The following SLC3A2 variants were observed in gnomAD, a reference collection of about 807,000 sequenced individuals.
SLC3A2 encodes the protein solute carrier family 3 member 2, also known as amino acid transporter heavy chain SLC3A2.
In SLC3A2, 32 loss-of-function variants were observed where a neutral mutation model predicts 48.5. The ratio of observed to expected loss-of-function variants is 0.66; its 90% CI spans 0.50 to 0.89. The LOEUF (loss-of-function observed/expected upper bound fraction) is 0.89, where lower values mean the gene tolerates loss of function less well. Among genes scored for constraint, SLC3A2 ranks in the 40% least tolerant of loss-of-function variants. The probability of loss-of-function intolerance (pLI) is 0.00; values close to 1 mark genes in which losing one functional copy is unlikely to be tolerated. For missense variants in SLC3A2, 587 were observed against 680.7 expected (o/e 0.86, Z 1.53); for synonymous variants, 277 against 288.8 (o/e 0.96, Z 0.41).
At chr11:62,869,859 T>C (rs1449419558) in intron 1 of SLC3A2, among the ~76,000 whole-genome samples, 2 of 151,690 alleles carry the variant, frequency 1.3e-5, no homozygotes, top group African/African-American at 4.8e-5. Flanking sequence ...CTCGGCTCAT[T>C]GCAACCTCTG....
intron 1 of SLC3A2, among the ~76,000 whole-genome samples, chr11:62,864,793 G>C (rs2085436236): frequency 6.6e-6 from 1 of 150,380 alleles, no homozygotes; most frequent in Admixed American, 6.7e-5. Flanking sequence ...TTTTGAGACA[G>C]AGTCCCACTC....
chr11:62,875,810 G>A (rs1198404603), intron 1 of SLC3A2, among the ~76,000 whole-genome samples: 5 of 151,964 alleles, frequency 3.3e-5, no homozygotes, highest in East Asian at 1.9e-4. Flanking sequence ...CAGGTGATCC[G>A]CCCGCCTCAG....
intron 1 of SLC3A2, among the ~76,000 whole-genome samples, chr11:62,863,713 T>C (rs2085424568): frequency 6.6e-6 from 1 of 152,236 alleles, no homozygotes; most frequent in Non-Finnish European, 1.5e-5. Flanking sequence ...TCTGACTTTA[T>C]GACTTGATAG....
At position 62,888,768 on chromosome 11, in the gene SLC3A2, TA is replaced by T. The variant is rs1240069446; in HGVS notation, c.*80del. On this transcript the variant is annotated 3_prime_UTR_variant, in exon 9 of 9. Transcript: ENST00000338663. ...TTTGGCTTCTGATTTTTCTCTTTTT[TA>T]AAAACAAACAAACAAACTGTTGCAG... 68 of 1,380,090 alleles carry T rather than the reference TA, an allele frequency of 4.9e-5. 2 individuals carry two copies. The East Asian group carries it at 1.6e-3, about 32-fold the overall frequency. The allele number at this position is 1,380,090 out of a possible 1,614,324, so 85.5% of individuals were successfully genotyped here.
chr11:62,861,245 A>G (rs1014656841), intron 1 of SLC3A2, among the ~76,000 whole-genome samples: 2 of 150,618 alleles, frequency 1.3e-5, no homozygotes, highest in Non-Finnish European at 3.0e-5. Flanking sequence ...TGAGGTGGGG[A>G]GGATTGCTTG....
chr11:62,888,268 T>C, intron 8 of SLC3A2, 50 bp downstream of exon 8: 1 of 1,610,434 alleles, frequency 6.2e-7, no homozygotes, highest in Admixed American at 1.7e-5. Context: ...TGGGCTGGGC[T>C]TGTAGAAGTC....
intron 1 of SLC3A2, among the ~76,000 whole-genome samples, chr11:62,871,184 A>G (rs2085512292): frequency 6.7e-6 from 1 of 148,848 alleles, no homozygotes; most frequent in African/African-American, 2.5e-5. Flanking sequence ...GCCCGGCCTG[A>G]TTACAGGTAA....
At chr11:62,865,103 A>G (rs2085439272) in intron 1 of SLC3A2, among the ~76,000 whole-genome samples, 1 of 152,134 alleles carries the variant, frequency 6.6e-6, no homozygotes, top group Non-Finnish European at 1.5e-5. Context: ...CAAAATCCTC[A>G]AAGTGTTTAG....
rs573491653 is a variant in SLC3A2, at chr11:62,873,969, ATTTTTTTTTTTTTTTTTT to A, written c.113-7030_113-7013del. Among the ~76,000 whole-genome samples, 200 of 38,910 alleles carry A rather than the reference ATTTTTTTTTTTTTTTTTT, an allele frequency of 5.1e-3. 2 individuals are homozygous for A. Among genetic ancestry groups the A allele is most frequent in the Middle Eastern group, 0.018 (1 of 56 alleles). The allele number at this position is 38,910 out of a possible 152,430, so 25.5% of individuals were successfully genotyped here. ...CAGGTACTTGCACCATGCCCAGCTA[ATTTTTTTTTTTTTTTTTT>A]TTTTTTTTTTTTTTTTTTTGGAGAA... is the stretch of plus-strand genomic sequence containing the variant. On this transcript the variant is annotated intron_variant, in intron 1 of 9. Transcript: ENST00000377889.
intron 7 of SLC3A2, among the ~76,000 whole-genome samples, chr11:62,887,460 T>C (rs1253121829): frequency 6.6e-6 from 1 of 152,094 alleles, no homozygotes; most frequent in East Asian, 1.9e-4. Flanking sequence ...CCCAGCACTT[T>C]GGGAGGCCAA....
chr11:62,880,756 G>C, upstream of SLC3A2: 1 of 508,958 alleles, frequency 2.0e-6, no homozygotes, highest in Non-Finnish European at 3.4e-6. Flanking sequence ...GACCATGCAG[G>C]AAGTACTGTC....
chr11:62,863,981 G>A (rs2085426716), intron 1 of SLC3A2, among the ~76,000 whole-genome samples: 1 of 152,142 alleles, frequency 6.6e-6, no homozygotes, highest in South Asian at 2.1e-4. Flanking sequence ...AGTGTGCATT[G>A]CATCCTAGAC....
intron 1 of SLC3A2, among the ~76,000 whole-genome samples, chr11:62,873,523 C>T (rs2085539440): frequency 6.6e-6 from 1 of 151,970 alleles, no homozygotes; most frequent in African/African-American, 2.4e-5. Context: ...GACAAGGTCT[C>T]ACTATATTGC....
chr11:62,880,176 G>C (rs1034904062), upstream of SLC3A2, among the ~76,000 whole-genome samples: 1 of 152,164 alleles, frequency 6.6e-6, no homozygotes, highest in Non-Finnish European at 1.5e-5. Flanking sequence ...AAGAAGGGGG[G>C]TGTCTACCTC....
intron 2 of SLC3A2, 35 bp from the exon 3 acceptor site, chr11:62,882,873 C>T (rs2135012596): frequency 6.7e-7 from 1 of 1,500,028 alleles, no homozygotes. Flanking sequence ...AACTCATAGA[C>T]TGTCTCATGA....
intron 1 of SLC3A2, among the ~76,000 whole-genome samples, chr11:62,871,847 CA>C (rs1396954173): frequency 6.6e-6 from 1 of 151,920 alleles, no homozygotes; most frequent in Non-Finnish European, 1.5e-5. Flanking sequence ...ATTAGAATTG[CA>C]TTTGGATTTT....
In SLC3A2 at chr11:62,882,897, C is replaced by T. The variant is rs59762129; in HGVS notation, c.599-11C>T. 3,173 of 1,608,910 alleles carry T rather than the reference C, an allele frequency of 2.0e-3. 53 individuals carry two copies. The African/African-American group carries it at 0.037, about 19-fold the overall frequency. On this transcript the variant is annotated splice_polypyrimidine_tract_variant and intron_variant, in intron 2 of 8. Coordinates refer to ENST00000338663, the MANE Select transcript of SLC3A2 (RefSeq NM_001013251.3). Reference sequence around the variant, plus strand: ...ACTGTCTCATGATTGCGTCTTCCTCCGTTGTTTTAGGCATCCGTGTCATTC... The same window carrying T: ...ACTGTCTCATGATTGCGTCTTCCTCTGTTGTTTTAGGCATCCGTGTCATTC...
intron 1 of SLC3A2, among the ~76,000 whole-genome samples, chr11:62,871,361 C>G (rs1413412124): frequency 2.6e-5 from 4 of 151,052 alleles, no homozygotes; most frequent in Non-Finnish European, 4.4e-5. Flanking sequence ...GCCTCAGCCT[C>G]CCAAATAGCT....
chr11:62,871,455 G>A, intron 1 of SLC3A2: 5 of 357,172 alleles, frequency 1.4e-5, no homozygotes, highest in Non-Finnish European at 2.4e-5. Flanking sequence ...GGCCAGCCTG[G>A]TCTCGAACTC....
Sources: allele counts gnomAD v4.1 joint callset (sites outside exome capture counted in the v4.1 genomes callset), GRCh38; gene constraint gnomAD v4.1.1; transcripts MANE v1.5; gene names NCBI Gene and HGNC (gene_info 2026-07-23, HGNC 2026-07-21).